POLDIP3: variants seen among roughly 807,000 people sequenced by gnomAD.
POLDIP3 encodes DNA polymerase delta interacting protein 3.
In POLDIP3, 14 loss-of-function variants were observed where a neutral mutation model predicts 45.1. The observed-to-expected ratio is 0.31, with a 90% CI of 0.20 to 0.49. POLDIP3 has a LOEUF of 0.49. Among genes scored for constraint, POLDIP3 ranks in the 20% least tolerant of loss-of-function variants. The pLI, the probability that POLDIP3 is intolerant of heterozygous loss-of-function variation, is 0.99. For synonymous variants in POLDIP3, 223 were observed against 205.2 expected, an observed-to-expected ratio of 1.09 and a Z score of -0.74; for missense variants, 511 against 538.8, an observed-to-expected ratio of 0.95 and a Z score of 0.51.
In POLDIP3 at chr22:42,585,462, A is replaced by C. The variant is rs1925244601; in HGVS notation, c.*329T>G. 8.2e-6 allele frequency: 3 copies of C among 366,058 alleles called. No homozygotes were observed. The highest frequency in any genetic ancestry group is 5.3e-6 in the Non-Finnish European group (1 of 190,276). The allele number at this position is 366,058 out of a possible 1,614,324, so 22.7% of individuals were successfully genotyped here. On this transcript the variant is annotated 3_prime_UTR_variant, in exon 9 of 9. Transcript: ENST00000252115. ...ACGCTGCATCCCATGGGGCCACAAG[A>C]AAGCCACCCAGAGAATTCAGTGTAC...
chr22:42,599,754 A>T lies in POLDIP3; in HGVS notation c.577T>A (p.Ser193Thr). The change falls in exon 4 of 9, where the codon TCC becomes ACC. Residue 193 changes from serine (S) to threonine (T), a missense_variant. Transcript: ENST00000252115. The stretch of plus-strand genomic sequence containing the variant: ...AACTTCATCTGTTTAGTAGGAACGG[A>T]AGCTATACCATCATCATCTTCATCC... The part of the protein sequence containing the change: ...DLDEDDDGIA[S>T]VPTKQMKFAA... 1 of 1,612,286 alleles carries T rather than the reference A, an allele frequency of 6.2e-7. No individual in the cohort carries two copies. Among genetic ancestry groups the T allele is most frequent in the East Asian group, 2.2e-5 (1 of 44,878 alleles).
intron 7 of POLDIP3, among the ~76,000 whole-genome samples, chr22:42,588,184 G>A (rs1283465189): frequency 1.3e-5 from 2 of 152,140 alleles, no homozygotes; most frequent in Admixed American, 6.5e-5. Context: ...GGCCGGGCGC[G>A]GTGGCTCACG....
intron 6 of POLDIP3, among the ~76,000 whole-genome samples, chr22:42,592,673 G>A (rs137099): frequency 0.28 from 41,960 of 152,052 alleles, 5,961 homozygotes; most frequent in African/African-American, 0.33. Flanking sequence ...TAACTTCTCT[G>A]AGCCTGTTTC....
intron 6 of POLDIP3, among the ~76,000 whole-genome samples, chr22:42,594,308 C>T (rs935383322): frequency 2.0e-5 from 3 of 151,850 alleles, no homozygotes; most frequent in Admixed American, 6.6e-5. Flanking sequence ...GTCACGAGTT[C>T]GAGACCAGCC....
chr22:42,588,630 CTTTT>C (rs201367552), intron 7 of POLDIP3, among the ~76,000 whole-genome samples: 1 of 136,964 alleles, frequency 7.3e-6, no homozygotes, highest in Non-Finnish European at 1.6e-5. Context: ...TTCTTTCTTT[CTTTT>C]TTTTTTTTTT....
At chr22:42,593,448 G>C (rs1410655192) in intron 6 of POLDIP3, among the ~76,000 whole-genome samples, 1 of 152,328 alleles carries the variant, frequency 6.6e-6, no homozygotes, top group East Asian at 1.9e-4. Context: ...TCTTCCAAGA[G>C]TCTGCCTAAA....
rs11913019 is a variant in POLDIP3 at position 42,610,066 on chromosome 22, C to A, written c.59+4733G>T. On this transcript the variant is annotated intron_variant, in intron 1 of 8. Transcript: ENST00000252115. ...GCCCATGCCTGTAGTCCCAGCTACT[C>A]AGGAGGCTGAGGCAGGAGAATCGTT... Among the ~76,000 whole-genome samples the A allele has an allele frequency of 4.2e-3, 637 of 152,096 alleles. 6 individuals carry two copies. The highest frequency in any genetic ancestry group is 0.015 in the African/African-American group (603 of 41,484).
In POLDIP3 at chr22:42,585,695, G is replaced by T. The variant is rs1370017135; in HGVS notation, c.*96C>A. On this transcript the variant is annotated 3_prime_UTR_variant, in exon 9 of 9. Transcript: ENST00000252115. ...CCTGGCAACCCTTCCCACAATCAGGGGTCTCCAGTCCGATGGCCCATTGGT... is the reference window on the plus strand; with the variant it reads ...CCTGGCAACCCTTCCCACAATCAGGTGTCTCCAGTCCGATGGCCCATTGGT... 1.4e-6 allele frequency: 2 copies of T among 1,397,838 alleles called. No homozygotes were observed. The highest frequency in any genetic ancestry group is 2.0e-6 in the Non-Finnish European group (2 of 1,025,274). The allele number at this position is 1,397,838 out of a possible 1,614,324, so 86.6% of individuals were successfully genotyped here.
chr22:42,585,674 G>A lies in POLDIP3; in HGVS notation c.*117C>T, dbSNP rs913419021. ...CCAGTGAGGAAGCTCTTTATCCCTG[G>A]CAACCCTTCCCACAATCAGGGGTCT... On this transcript the variant is annotated 3_prime_UTR_variant, in exon 9 of 9. Transcript: ENST00000252115. The A allele has an allele frequency of 4.7e-6, 6 of 1,267,028 alleles. No homozygotes were observed. The African/African-American group carries it at 9.0e-5, about 19-fold the overall frequency. 78.5% of individuals were successfully genotyped at this position (1,267,028 alleles called of 1,614,324 possible).
intron 4 of POLDIP3, among the ~76,000 whole-genome samples, chr22:42,598,849 G>C (rs543353179): frequency 1.3e-5 from 2 of 152,328 alleles, no homozygotes; most frequent in African/African-American, 4.8e-5. Context: ...GTACCACTGA[G>C]CTGAGCAGCA....
rs5751310 is a variant in POLDIP3, at chr22:42,613,486, C to A, written c.59+1313G>T. Among the ~76,000 whole-genome samples, 209 of 152,238 alleles carry A rather than the reference C, an allele frequency of 1.4e-3. 3 individuals carry two copies. In the East Asian group the frequency reaches 0.039, roughly 28 times the overall value. Reference sequence around the variant, plus strand: ...AATAAACATCTGCGGAATGGCCGGGCCGGTGGCTCACGCCTGTAATCCCAG... The same window carrying A: ...AATAAACATCTGCGGAATGGCCGGGACGGTGGCTCACGCCTGTAATCCCAG... On this transcript the variant is annotated intron_variant, in intron 1 of 8. Transcript: ENST00000252115.
At position 42,587,495 on chromosome 22, in the gene POLDIP3, T is replaced by C; in HGVS notation, c.1088+11A>G. 1 of 1,611,932 alleles carries C rather than the reference T, an allele frequency of 6.2e-7. No homozygotes were observed. The highest frequency in any genetic ancestry group is 8.5e-7 in the Non-Finnish European group (1 of 1,178,080). ...GCTGCCTCTCCCCAGCACCCCGCCT[T>C]TGGAACTCACAGCAGGATGGGCTGG... On this transcript the variant is annotated intron_variant, in intron 8 of 8. Coordinates refer to ENST00000252115, the MANE Select transcript of POLDIP3 (RefSeq NM_032311.5).
In POLDIP3 at chr22:42,585,593, G is replaced by A. The variant is rs1447956781; in HGVS notation, c.*198C>T. On this transcript the variant is annotated 3_prime_UTR_variant, in exon 9 of 9. Transcript: ENST00000252115. Reference sequence around the variant, plus strand: ...GATGAAGAAACATACTACAGGAAACGTTAACGTAGAGAGAAGAGCACAGGG... The same window carrying A: ...GATGAAGAAACATACTACAGGAAACATTAACGTAGAGAGAAGAGCACAGGG... 6.5e-6 allele frequency: 4 copies of A among 619,456 alleles called. 1 individual carries two copies. The highest frequency in any genetic ancestry group is 6.2e-5 in the Admixed American group (2 of 32,478). The allele number at this position is 619,456 out of a possible 1,614,324, so 38.4% of individuals were successfully genotyped here.
At chr22:42,607,346 C>CA (rs1044478481) in intron 1 of POLDIP3, among the ~76,000 whole-genome samples, 1 of 152,256 alleles carries the variant, frequency 6.6e-6, no homozygotes, top group African/African-American at 2.4e-5. Context: ...CTCCCGACCG[C>CA]AAGTGATCTG....
intron 1 of POLDIP3, 105 bp downstream of exon 1, chr22:42,614,694 C>G (rs1451855587): frequency 7.8e-7 from 1 of 1,278,250 alleles, no homozygotes. Context: ...TGGTCGGGGG[C>G]GGGCGCACCC....
chr22:42,610,586 T>G (rs1186889105), intron 1 of POLDIP3, among the ~76,000 whole-genome samples: 1 of 152,138 alleles, frequency 6.6e-6, no homozygotes, highest in Non-Finnish European at 1.5e-5. Flanking sequence ...TCAACTGACT[T>G]AACTGGGGAT....
intron 5 of POLDIP3, 57 bp from the exon 6 acceptor site, chr22:42,595,671 A>C: frequency 6.6e-7 from 1 of 1,514,420 alleles, no homozygotes; most frequent in Non-Finnish European, 9.2e-7. Flanking sequence ...CATTCCCACA[A>C]CAGAAATTCC....
At chr22:42,606,582 T>C (rs935122214) in intron 1 of POLDIP3, among the ~76,000 whole-genome samples, 1 of 152,184 alleles carries the variant, frequency 6.6e-6, no homozygotes, top group African/African-American at 2.4e-5. Flanking sequence ...AGGATCGAGA[T>C]ACTGTCCTCC....
At chr22:42,593,308 A>C (rs1338833712) in intron 6 of POLDIP3, among the ~76,000 whole-genome samples, 1 of 152,186 alleles carries the variant, frequency 6.6e-6, no homozygotes, top group Non-Finnish European at 1.5e-5. Context: ...TAGTAGGTGT[A>C]ATTCCAATTT....
Sources: allele counts gnomAD v4.1 joint callset (sites outside exome capture counted in the v4.1 genomes callset), GRCh38; gene constraint gnomAD v4.1.1; transcripts MANE v1.5; gene names NCBI Gene and HGNC (gene_info 2026-07-23, HGNC 2026-07-21).